The following BLTP2 variants were observed in gnomAD, a reference collection of about 807,000 sequenced individuals.
The protein encoded by BLTP2 is bridge-like lipid transfer protein family member 2.
At chr17:28,640,467 G>A in the BLTP2 span, 1 of 1,339,838 alleles carries the variant, frequency 7.5e-7, no homozygotes, top group African/African-American at 1.4e-5. Context: ...TCTCCCCGTA[G>A]ACAAGCTCAG....
chr17:28,639,883 G>A, the BLTP2 span: 20 of 1,613,906 alleles, frequency 1.2e-5, no homozygotes, highest in Middle Eastern at 4.9e-4. Flanking sequence ...CTCAGTACCA[G>A]TACCCCGACC....
At chr17:28,634,957 A>G in the BLTP2 span, 1 of 1,613,784 alleles carries the variant, frequency 6.2e-7, no homozygotes, top group Non-Finnish European at 8.5e-7. Flanking sequence ...AACCCATGAG[A>G]AGTGCTCAAC....
the BLTP2 span, among the ~76,000 whole-genome samples, chr17:28,623,258 C>A: frequency 2.0e-5 from 3 of 152,132 alleles, no homozygotes; most frequent in African/African-American, 7.2e-5. Flanking sequence ...TTCCATTTCA[C>A]GATTAAAGGT....
chr17:28,642,786 A>G, the BLTP2 span: 4 of 777,854 alleles, frequency 5.1e-6, no homozygotes, highest in South Asian at 4.4e-5. Context: ...ACAGAATGAG[A>G]ACTTAACACC....
At chr17:28,625,241 TAGA>T in the BLTP2 span, among the ~76,000 whole-genome samples, 1 of 136,808 alleles carries the variant, frequency 7.3e-6, no homozygotes, top group South Asian at 2.2e-4. Flanking sequence ...GAGGCTGAGG[TAGA>T]AGAATAGCTT....
At chr17:28,624,166 TG>T in the BLTP2 span, 2 of 1,539,214 alleles carry the variant, frequency 1.3e-6, no homozygotes, top group South Asian at 1.2e-5. Context: ...TATTTAGAGG[TG>T]GGGGAAGGGG....
chr17:28,617,250 G>A, the BLTP2 span: 17 of 1,613,878 alleles, frequency 1.1e-5, no homozygotes, highest in African/African-American at 2.7e-5. Context: ...CAGCATTGGG[G>A]AGGAGGTTGT....
the BLTP2 span, chr17:28,617,318 C>A: frequency 6.2e-7 from 1 of 1,612,464 alleles, no homozygotes; most frequent in Non-Finnish European, 8.5e-7. Context: ...GACTTATTCA[C>A]CTATAAAGAC....
chr17:28,635,566 T>C, the BLTP2 span: 1 of 1,614,088 alleles, frequency 6.2e-7, no homozygotes, highest in East Asian at 2.2e-5. Context: ...GTACATGTGA[T>C]CTGGGGGGCT....
the BLTP2 span, chr17:28,616,983 T>C: frequency 6.2e-7 from 1 of 1,613,100 alleles, no homozygotes; most frequent in South Asian, 1.1e-5. The surrounding 1 kb of genome is among the most constrained non-coding windows in gnomAD (Gnocchi z 4.8). Context: ...GCAGGAGCTC[T>C]GGGGCCGCAG....
At chr17:28,644,788 A>C in the BLTP2 span, among the ~76,000 whole-genome samples, 2 of 151,512 alleles carry the variant, frequency 1.3e-5, no homozygotes, top group East Asian at 3.9e-4. Flanking sequence ...AGTCTCCCCA[A>C]CTCGCAGCCC....
the BLTP2 span, chr17:28,616,256 C>T: frequency 1.3e-6 from 2 of 1,597,666 alleles, no homozygotes; most frequent in Non-Finnish European, 8.6e-7. This position sits in a 1 kb window ranked among gnomAD's most constrained non-coding sequence, Gnocchi z 4.8. Context: ...CTCAGGACCC[C>T]AAACATCTCC....
chr17:28,635,192 T>A, the BLTP2 span: 2 of 1,613,502 alleles, frequency 1.2e-6, no homozygotes, highest in African/African-American at 2.7e-5. Flanking sequence ...TGGAGGATCA[T>A]CTCTTCCAGC....
chr17:28,630,585 A>C, the BLTP2 span, among the ~76,000 whole-genome samples: 1 of 149,916 alleles, frequency 6.7e-6, no homozygotes, highest in Non-Finnish European at 1.5e-5. Flanking sequence ...GGTTCAAGAG[A>C]TTCTCCTGCC....
At chr17:28,639,847 G>C in the BLTP2 span, 230 of 1,605,294 alleles carry the variant, frequency 1.4e-4, no homozygotes, top group Non-Finnish European at 1.9e-4. Context: ...CATGAGCAAA[G>C]AGAGTATCTA....
chr17:28,634,733 G>A, the BLTP2 span: 6 of 1,613,964 alleles, frequency 3.7e-6, no homozygotes, highest in African/African-American at 2.7e-5. Context: ...CCATAGAGAC[G>A]ACGGGAACGC....
At chr17:28,642,096 C>T in the BLTP2 span, 1 of 1,610,370 alleles carries the variant, frequency 6.2e-7, no homozygotes. Flanking sequence ...GATGATAAGC[C>T]TCTAAGGTGT....
chr17:28,616,392 C>T, the BLTP2 span: 7 of 1,614,134 alleles, frequency 4.3e-6, no homozygotes, highest in Middle Eastern at 1.6e-4. This position sits in a 1 kb window ranked among gnomAD's most constrained non-coding sequence, Gnocchi z 4.8. Context: ...TGGCGATTTG[C>T]GAAATGACCT....
chr17:28,632,365 T>C, the BLTP2 span: 3 of 701,968 alleles, frequency 4.3e-6, no homozygotes, highest in East Asian at 7.8e-5. Flanking sequence ...AGCCTCACAT[T>C]CAGCATCCCC....
Sources: gnomAD v4.1 joint callset for allele counts (sites outside exome capture counted in the v4.1 genomes callset) on GRCh38, gnomAD v4.1.1 for gene constraint, Gnocchi (gnomAD v3.1) non-coding constraint, MANE v1.5 for transcripts, NCBI Gene and HGNC (gene_info 2026-07-23, HGNC 2026-07-21) for gene names.